The following PRKAR2B variants were observed in gnomAD, a reference collection of about 807,000 sequenced individuals.
PRKAR2B encodes the protein cAMP-dependent protein kinase type II-beta regulatory subunit.
Under a neutral mutation model 49.9 loss-of-function variants are expected in PRKAR2B, and 14 were observed. The observed-to-expected ratio is 0.28, with a 90% CI of 0.19 to 0.44. PRKAR2B has a LOEUF of 0.44. PRKAR2B is among the 20% of genes least tolerant of loss of function. The probability of loss-of-function intolerance (pLI) is 1.00; values close to 1 mark genes in which losing one functional copy is unlikely to be tolerated. For synonymous variants in PRKAR2B, 196 were observed against 197.7 expected (o/e 0.99, Z 0.07); for missense variants, 393 against 537.9 (o/e 0.73, Z 2.67).
chr7:107,058,661 C>G (rs1378596431), intron 1 of PRKAR2B, among the ~76,000 whole-genome samples: 1 of 152,138 alleles, frequency 6.6e-6, no homozygotes, highest in Non-Finnish European at 1.5e-5. Context: ...AAATACCTTT[C>G]TTGTAATTCC....
intron 4 of PRKAR2B, chr7:107,128,654 A>C (rs1182264039): frequency 5.6e-6 from 1 of 179,500 alleles, no homozygotes; most frequent in Non-Finnish European, 1.2e-5. Flanking sequence ...AGGAATATGC[A>C]GGGATGCTCA....
At chr7:107,148,983 A>C (rs1224320890) in intron 6 of PRKAR2B, among the ~76,000 whole-genome samples, 1 of 152,324 alleles carries the variant, frequency 6.6e-6, no homozygotes, top group Middle Eastern at 3.4e-3. Flanking sequence ...TTAGTTTCTA[A>C]ATCATTAAGC....
chr7:107,061,299 G>T (rs1459565342), intron 1 of PRKAR2B, among the ~76,000 whole-genome samples: 2 of 152,002 alleles, frequency 1.3e-5, no homozygotes, highest in Non-Finnish European at 2.9e-5. Context: ...TATTGGAATT[G>T]CTTGAATTTA....
At chr7:107,144,576 T>A (rs1037081210) in intron 5 of PRKAR2B, among the ~76,000 whole-genome samples, 2 of 152,044 alleles carry the variant, frequency 1.3e-5, no homozygotes, top group Non-Finnish European at 2.9e-5. Flanking sequence ...TCCTCTTGCC[T>A]CAGCCTTCCA....
At chr7:107,081,322 CTG>C (rs1439684042) in intron 2 of PRKAR2B, among the ~76,000 whole-genome samples, 2 of 152,062 alleles carry the variant, frequency 1.3e-5, no homozygotes, top group East Asian at 1.9e-4. Flanking sequence ...TATTTGTAGA[CTG>C]TAGTTTTGAA....
At chr7:107,133,475 A>G (rs902658610) in intron 4 of PRKAR2B, 4 of 152,240 alleles carry the variant, frequency 2.6e-5, no homozygotes, top group African/African-American at 9.6e-5. Context: ...ATATTAGTAA[A>G]TCATTTAATC....
intron 2 of PRKAR2B, among the ~76,000 whole-genome samples, chr7:107,106,807 C>T (rs1027904263): frequency 6.6e-6 from 1 of 151,954 alleles, no homozygotes; most frequent in East Asian, 1.9e-4. Flanking sequence ...ACCGAGGGGG[C>T]TCCCAGGGGA....
chr7:107,090,448 C>G (rs1288259571), intron 2 of PRKAR2B, among the ~76,000 whole-genome samples: 1 of 152,198 alleles, frequency 6.6e-6, no homozygotes, highest in African/African-American at 2.4e-5. Context: ...TCATTTGCCC[C>G]TATGGGGTCT....
chr7:107,100,705 A>G (rs1794943845), intron 2 of PRKAR2B, among the ~76,000 whole-genome samples: 1 of 152,072 alleles, frequency 6.6e-6, no homozygotes, highest in Non-Finnish European at 1.5e-5. Flanking sequence ...TTCAAATTGA[A>G]TAATTTCCCT....
chr7:107,046,840 A>G (rs1028762943), intron 1 of PRKAR2B, among the ~76,000 whole-genome samples: 22 of 152,008 alleles, frequency 1.4e-4, no homozygotes, highest in Non-Finnish European at 3.1e-4. Context: ...CCATATATAT[A>G]TATATATTCT....
At chr7:107,055,925 C>T (rs1793903320) in intron 1 of PRKAR2B, among the ~76,000 whole-genome samples, 1 of 152,250 alleles carries the variant, frequency 6.6e-6, no homozygotes, top group Admixed American at 6.5e-5. Flanking sequence ...CCTAGGTTTT[C>T]TTCTAGGGTT....
At chr7:107,055,707 A>G (rs1305686015) in intron 1 of PRKAR2B, among the ~76,000 whole-genome samples, 1 of 152,098 alleles carries the variant, frequency 6.6e-6, no homozygotes, top group Non-Finnish European at 1.5e-5. Flanking sequence ...TAGATTCTGG[A>G]TATTAGCCCT....
intron 2 of PRKAR2B, among the ~76,000 whole-genome samples, chr7:107,085,726 G>A (rs1295957819): frequency 2.6e-5 from 4 of 151,924 alleles, no homozygotes; most frequent in Admixed American, 2.6e-4. Context: ...TATTTTCCAT[G>A]ACCTTACCTC....
chr7:107,125,613 A>G (rs577246777), intron 3 of PRKAR2B, among the ~76,000 whole-genome samples: 1 of 152,214 alleles, frequency 6.6e-6, no homozygotes, highest in East Asian at 1.9e-4. Flanking sequence ...AGTGTCAGAG[A>G]CCACACCCGC....
intron 2 of PRKAR2B, among the ~76,000 whole-genome samples, chr7:107,083,159 C>G (rs1794547756): frequency 1.3e-5 from 2 of 151,284 alleles, no homozygotes; most frequent in African/African-American, 4.9e-5. Flanking sequence ...TGAGACGATC[C>G]CTTGAGGGGA....
At chr7:107,148,128 C>T (rs780757629) in intron 6 of PRKAR2B, among the ~76,000 whole-genome samples, 1 of 152,180 alleles carries the variant, frequency 6.6e-6, no homozygotes, top group African/African-American at 2.4e-5. Flanking sequence ...AAAGAAAAAA[C>T]TTCAAACCAG....
chr7:107,128,373 G>C, intron 4 of PRKAR2B, 78 bp downstream of exon 4: 4 of 1,105,256 alleles, frequency 3.6e-6, no homozygotes, highest in Non-Finnish European at 5.3e-6. Flanking sequence ...AGGGTCTTGA[G>C]TTTTGCCCTC....
intron 2 of PRKAR2B, 63 bp from the exon 3 acceptor site, chr7:107,121,889 G>A (rs955473711): frequency 1.5e-5 from 15 of 987,656 alleles, no homozygotes; most frequent in Non-Finnish European, 1.8e-5. Flanking sequence ...TGTTAACGAT[G>A]TACTCATTGT....
At chr7:107,083,361 A>C (rs1223978729) in intron 2 of PRKAR2B, among the ~76,000 whole-genome samples, 1 of 151,720 alleles carries the variant, frequency 6.6e-6, no homozygotes, top group African/African-American at 2.4e-5. Flanking sequence ...TAGTAGTCTA[A>C]TTTGCAAAAA....
Sources: allele counts gnomAD v4.1 joint callset (sites outside exome capture counted in the v4.1 genomes callset), GRCh38; gene constraint gnomAD v4.1.1; transcripts MANE v1.5; gene names NCBI Gene and HGNC (gene_info 2026-07-23, HGNC 2026-07-21).